PDE4D: variants seen among roughly 807,000 people sequenced by gnomAD.
PDE4D encodes phosphodiesterase 4D, also known as 3',5'-cyclic-AMP phosphodiesterase 4D.
Under a neutral mutation model 87.4 loss-of-function variants are expected in PDE4D, and 24 were observed. The observed-to-expected ratio is 0.27, with a 90% CI of 0.20 to 0.39. PDE4D has a LOEUF of 0.39. Among genes scored for constraint, PDE4D ranks in the 10% least tolerant of loss-of-function variants. PDE4D has a pLI of 1.00. For synonymous variants in PDE4D, 384 were observed against 383.2 expected, an observed-to-expected ratio of 1.00 and a Z score of -0.02; for missense variants, 714 against 1,041.0, an observed-to-expected ratio of 0.69 and a Z score of 4.32.
At chr5:59,476,039 T>C (rs1320262612) in intron 1 of PDE4D, among the ~76,000 whole-genome samples, 1 of 152,086 alleles carries the variant, frequency 6.6e-6, no homozygotes, top group African/African-American at 2.4e-5. Flanking sequence ...ATGATTATGT[T>C]GATCATAGGC....
rs977372401 is a variant in PDE4D, at chr5:59,918,915, A to T, written c.272+69573T>A. Among the ~76,000 whole-genome samples the T allele has an allele frequency of 2.6e-5, 4 of 152,186 alleles. 1 individual carries two copies. The highest frequency in any genetic ancestry group is 2.6e-4 in the Admixed American group (4 of 15,276). On this transcript the variant is annotated intron_variant, in intron 3 of 16. Coordinates refer to the PDE4D transcript ENST00000502484. ...ACTCCTGACCCTTGGAAACTGTGAG[A>T]TAGTAAGTGTGTGTTGTTTTAACCC...
intron 2 of PDE4D, among the ~76,000 whole-genome samples, chr5:59,196,720 T>C (rs1338760907): frequency 6.6e-6 from 1 of 152,094 alleles, no homozygotes; most frequent in Non-Finnish European, 1.5e-5. Flanking sequence ...AACTGTGTAG[T>C]GTGTTAGAAG....
At chr5:60,501,315 A>G (rs1750064794) in intron 1 of PDE4D, among the ~76,000 whole-genome samples, 1 of 151,964 alleles carries the variant, frequency 6.6e-6, no homozygotes. Flanking sequence ...CCATGTCCCT[A>G]CAAAGGACAT....
At chr5:59,224,401 T>C (rs1446950776) in intron 1 of PDE4D, among the ~76,000 whole-genome samples, 2 of 152,064 alleles carry the variant, frequency 1.3e-5, no homozygotes, top group Non-Finnish European at 2.9e-5. Context: ...ATACAACATA[T>C]GTTTCTGGCT....
intron 1 of PDE4D, among the ~76,000 whole-genome samples, chr5:59,498,590 A>G (rs904277625): frequency 1.3e-5 from 2 of 151,976 alleles, no homozygotes; most frequent in African/African-American, 4.8e-5. Flanking sequence ...AGAAAGATCT[A>G]TCATGCAAAT....
chr5:60,418,347 A>T (rs1389432721), intron 1 of PDE4D, among the ~76,000 whole-genome samples: 1 of 145,774 alleles, frequency 6.9e-6, no homozygotes, highest in Non-Finnish European at 1.6e-5. Context: ...TTTGAAAATC[A>T]GACTGACTAA....
At chr5:60,472,589 A>T (rs935643734) in intron 1 of PDE4D, among the ~76,000 whole-genome samples, 2 of 152,126 alleles carry the variant, frequency 1.3e-5, no homozygotes. Context: ...CTTACCCTAA[A>T]GCCCATTGTT....
At chr5:59,886,643 G>A (rs1750202724) in intron 1 of PDE4D, among the ~76,000 whole-genome samples, 1 of 152,106 alleles carries the variant, frequency 6.6e-6, no homozygotes, top group Non-Finnish European at 1.5e-5. Flanking sequence ...GTAAGGAAGG[G>A]GTGTTGCAGA....
intron 1 of PDE4D, among the ~76,000 whole-genome samples, chr5:59,540,158 T>C (rs1816056840): frequency 6.6e-6 from 1 of 152,178 alleles, no homozygotes; most frequent in Admixed American, 6.6e-5. Flanking sequence ...ATGTGACTTA[T>C]ACGTGTAACT....
chr5:59,961,764 G>A (rs899018337), intron 3 of PDE4D, among the ~76,000 whole-genome samples: 1 of 152,144 alleles, frequency 6.6e-6, no homozygotes, highest in Non-Finnish European at 1.5e-5. Context: ...ATTGTTAGTG[G>A]AAAGTGCTGT....
At chr5:60,093,811 GGTAA>G in intron 2 of PDE4D, among the ~76,000 whole-genome samples, 1 of 151,844 alleles carries the variant, frequency 6.6e-6, no homozygotes, top group Non-Finnish European at 1.5e-5. Flanking sequence ...AAGTTTTGGT[GGTAA>G]GTAAAACTAC....
At chr5:59,509,824 AATTAT>A (rs1809959937) in intron 1 of PDE4D, among the ~76,000 whole-genome samples, 3 of 148,178 alleles carry the variant, frequency 2.0e-5, no homozygotes, top group Admixed American at 6.7e-5. Context: ...TGAATATTAT[AATTAT>A]ATTATAAACT....
At chr5:59,662,270 G>T (rs1466311798) in intron 1 of PDE4D, among the ~76,000 whole-genome samples, 1 of 152,216 alleles carries the variant, frequency 6.6e-6, no homozygotes, top group African/African-American at 2.4e-5. Context: ...TCTTACAAGA[G>T]CTCAGGCTAA....
chr5:60,321,388 A>G (rs1756255035), intron 1 of PDE4D, among the ~76,000 whole-genome samples: 1 of 152,226 alleles, frequency 6.6e-6, no homozygotes. Flanking sequence ...ATATACAACA[A>G]TTAACCCAAG....
At chr5:59,300,877 C>T (rs1010055126) in intron 1 of PDE4D, among the ~76,000 whole-genome samples, 2 of 152,198 alleles carry the variant, frequency 1.3e-5, no homozygotes, top group Non-Finnish European at 2.9e-5. Context: ...ATAATCCTCT[C>T]TTTGGGTTCA....
At chr5:60,066,338 T>A (rs1001808212) in intron 2 of PDE4D, among the ~76,000 whole-genome samples, 2 of 152,128 alleles carry the variant, frequency 1.3e-5, no homozygotes, top group African/African-American at 4.8e-5. Flanking sequence ...CCAATTTTTT[T>A]AAATACTGTA....
At chr5:59,744,700 T>C (rs1381252675) in intron 1 of PDE4D, among the ~76,000 whole-genome samples, 1 of 152,130 alleles carries the variant, frequency 6.6e-6, no homozygotes, top group Non-Finnish European at 1.5e-5. Flanking sequence ...ACAAACCCAT[T>C]CAGTTGTATC....
intron 2 of PDE4D, among the ~76,000 whole-genome samples, chr5:60,081,878 A>G (rs1773998501): frequency 6.6e-6 from 1 of 152,210 alleles, no homozygotes; most frequent in African/African-American, 2.4e-5. Context: ...AGTGACTAAC[A>G]AAAGTCTTCT....
intron 2 of PDE4D, among the ~76,000 whole-genome samples, chr5:60,110,725 A>G (rs1002198629): frequency 2.0e-5 from 3 of 152,150 alleles, no homozygotes; most frequent in African/African-American, 7.2e-5. Context: ...GGCACTACTT[A>G]TAACAGCTAA....
Sources: gnomAD v4.1 joint callset for allele counts (sites outside exome capture counted in the v4.1 genomes callset) on GRCh38, gnomAD v4.1.1 for gene constraint, MANE v1.5 for transcripts, NCBI Gene and HGNC (gene_info 2026-07-23, HGNC 2026-07-21) for gene names.